The following PTPRT variants were observed in gnomAD, a reference collection of about 807,000 sequenced individuals.
PTPRT encodes protein tyrosine phosphatase receptor type T, also known as receptor-type tyrosine-protein phosphatase T.
PTPRT carries 56 observed loss-of-function variants against 176.8 expected under a neutral mutation model. The observed-to-expected ratio is 0.32, with a 90% CI of 0.26 to 0.40. The LOEUF (loss-of-function observed/expected upper bound fraction) is 0.40, where lower values mean the gene tolerates loss of function less well. Ranked by LOEUF, PTPRT falls within the 10% of genes least tolerant of loss-of-function variation. PTPRT has a pLI of 1.00. For missense variants in PTPRT, 1,540 were observed against 1,908.2 expected, an observed-to-expected ratio of 0.81 and a Z score of 3.60; for synonymous variants, 783 against 739.0, an observed-to-expected ratio of 1.06 and a Z score of -0.96.
chr20:42,994,672 T>C (rs1385607860), intron 1 of PTPRT, among the ~76,000 whole-genome samples: 1 of 152,314 alleles, frequency 6.6e-6, no homozygotes, highest in East Asian at 1.9e-4. Flanking sequence ...AATATGAATA[T>C]ATTAATGAGC....
chr20:42,974,018 G>A (rs1488788471), intron 1 of PTPRT, among the ~76,000 whole-genome samples: 1 of 151,986 alleles, frequency 6.6e-6, no homozygotes, highest in African/African-American at 2.4e-5. Flanking sequence ...ATGAAAGCAG[G>A]GTAATCCCAG....
intron 3 of PTPRT, among the ~76,000 whole-genome samples, chr20:42,787,972 T>G (rs1018874028): frequency 5.3e-5 from 8 of 152,280 alleles, no homozygotes; most frequent in East Asian, 1.9e-4. Flanking sequence ...TTGTGAATTC[T>G]GACACATATC....
intron 9 of PTPRT, among the ~76,000 whole-genome samples, chr20:42,373,408 T>G (rs537018157): frequency 9.8e-5 from 15 of 152,300 alleles, no homozygotes; most frequent in African/African-American, 3.6e-4. Context: ...TTCTAAATAT[T>G]TAGATTTTTT....
At chr20:42,695,668 C>T (rs2075863384) in intron 6 of PTPRT, among the ~76,000 whole-genome samples, 2 of 152,204 alleles carry the variant, frequency 1.3e-5, no homozygotes. Flanking sequence ...TTCAGAGTCT[C>T]TTCATTGAAC....
chr20:42,182,924 G>GTGTGTA (rs1478813836), intron 16 of PTPRT, among the ~76,000 whole-genome samples: 6 of 151,292 alleles, frequency 4.0e-5, no homozygotes, highest in Admixed American at 6.6e-5. Context: ...GTGTGTGTGT[G>GTGTGTA]TGTGTGTGTG....
At chr20:42,573,910 G>A (rs983505111) in intron 7 of PTPRT, among the ~76,000 whole-genome samples, 5 of 151,962 alleles carry the variant, frequency 3.3e-5, no homozygotes, top group East Asian at 3.9e-4. Flanking sequence ...CACCACGCCC[G>A]GTTAATTTTT....
intron 1 of PTPRT, among the ~76,000 whole-genome samples, chr20:42,928,278 T>G (rs1280947892): frequency 6.6e-6 from 1 of 152,218 alleles, no homozygotes; most frequent in African/African-American, 2.4e-5. Flanking sequence ...GATGACAATC[T>G]GAATCAACAG....
At chr20:43,185,381 C>T (rs763925462) in intron 1 of PTPRT, among the ~76,000 whole-genome samples, 8 of 151,974 alleles carry the variant, frequency 5.3e-5, no homozygotes, top group African/African-American at 9.7e-5. Context: ...AGGACAGAGC[C>T]GAAAAGCAAG....
At chr20:42,680,668 T>G (rs1402330418) in intron 6 of PTPRT, among the ~76,000 whole-genome samples, 3 of 152,182 alleles carry the variant, frequency 2.0e-5, no homozygotes, top group Admixed American at 6.5e-5. Context: ...GGAGGCTGAG[T>G]GAGTGGCCCC....
intron 11 of PTPRT, among the ~76,000 whole-genome samples, chr20:42,319,701 G>C (rs2057772486): frequency 1.3e-5 from 2 of 152,228 alleles, no homozygotes; most frequent in South Asian, 4.1e-4. Flanking sequence ...TTTTAGGAAA[G>C]GGTGGGGGAA....
intron 2 of PTPRT, among the ~76,000 whole-genome samples, chr20:42,846,344 A>G (rs1256445498): frequency 2.0e-5 from 3 of 146,344 alleles, no homozygotes; most frequent in African/African-American, 7.5e-5. Context: ...CTCTGAGGAG[A>G]GCTCAGCAAA....
At position 42,535,826 on chromosome 20, in the gene PTPRT, G is replaced by A. The variant is rs143692960; in HGVS notation, c.1154-63264C>T. Among the ~76,000 whole-genome samples the A allele has an allele frequency of 7.5e-3, 1,137 of 152,248 alleles. 7 individuals carry two copies. The highest frequency in any genetic ancestry group is 0.02 in the Middle Eastern group (6 of 294). On this transcript the variant is annotated intron_variant, in intron 7 of 30. Transcript: ENST00000373187. ...AGCGGGCTTGGTTCAGGCAGGGTTT[G>A]GAGTTGCAGATCCATAGCCTATTCC...
At chr20:43,122,196 T>C (rs1333009158) in intron 1 of PTPRT, among the ~76,000 whole-genome samples, 2 of 152,200 alleles carry the variant, frequency 1.3e-5, no homozygotes, top group South Asian at 2.1e-4. Context: ...GACCACACTA[T>C]GAAAACCACT....
the PTPRT span, among the ~76,000 whole-genome samples, chr20:42,057,596 C>G: frequency 6.6e-6 from 1 of 151,314 alleles, no homozygotes; most frequent in South Asian, 2.1e-4. Flanking sequence ...TTGTTCTTAT[C>G]TTTTTTTTTA....
the PTPRT span, among the ~76,000 whole-genome samples, chr20:42,052,058 C>A: frequency 2.0e-5 from 3 of 152,242 alleles, no homozygotes; most frequent in Non-Finnish European, 4.4e-5. Context: ...TGCTTAGACT[C>A]CCGGTGCTGA....
At chr20:42,754,569 C>T (rs1011346863) in intron 6 of PTPRT, among the ~76,000 whole-genome samples, 1 of 152,206 alleles carries the variant, frequency 6.6e-6, no homozygotes. Context: ...AGGCGTGAGC[C>T]ACCATACCGG....
chr20:42,119,146 C>T (rs913867328), intron 20 of PTPRT, among the ~76,000 whole-genome samples: 19 of 147,420 alleles, frequency 1.3e-4, no homozygotes, highest in South Asian at 6.6e-4. Context: ...AAAAGTAATA[C>T]ATGTGTTTGA....
intron 23 of PTPRT, among the ~76,000 whole-genome samples, chr20:42,108,626 A>G (rs1156898826): frequency 6.7e-6 from 1 of 149,740 alleles, no homozygotes; most frequent in Non-Finnish European, 1.5e-5. Flanking sequence ...GATGCAGTAG[A>G]TGCTGGTATT....
chr20:42,522,029 T>C (rs960853024), intron 7 of PTPRT, among the ~76,000 whole-genome samples: 2 of 151,776 alleles, frequency 1.3e-5, no homozygotes, highest in African/African-American at 4.8e-5. Flanking sequence ...GAAAAAGAAA[T>C]AGTACAACAA....
Sources: allele counts gnomAD v4.1 joint callset (sites outside exome capture counted in the v4.1 genomes callset), GRCh38; gene constraint gnomAD v4.1.1; transcripts MANE v1.5; gene names NCBI Gene and HGNC (gene_info 2026-07-23, HGNC 2026-07-21).